The following ARL6IP5 variants were observed in gnomAD, a reference collection of about 807,000 sequenced individuals.
ARL6IP5 encodes the protein PRA1 family protein 3.
In ARL6IP5, 6 loss-of-function variants were observed where a neutral mutation model predicts 13.0. The ratio of observed to expected loss-of-function variants is 0.46; its 90% CI spans 0.25 to 0.91. The LOEUF (loss-of-function observed/expected upper bound fraction) is 0.91. Among genes scored for constraint, ARL6IP5 ranks in the 40% least tolerant of loss-of-function variants. The pLI is 0.17. For synonymous variants in ARL6IP5, 91 were observed against 91.9 expected (o/e 0.99, Z 0.06); for missense variants, 208 against 248.8 (o/e 0.84, Z 1.10).
intron 2 of ARL6IP5, among the ~76,000 whole-genome samples, chr3:69,103,926 T>C (rs13314247): frequency 0.018 from 2,761 of 152,264 alleles, 78 homozygotes; most frequent in African/African-American, 0.064. Flanking sequence ...TGGGGAACGG[T>C]AGGCTATAGA....
At chr3:69,089,871 C>T (rs975522981) in intron 1 of ARL6IP5, 35 of 456,536 alleles carry the variant, frequency 7.7e-5, no homozygotes, top group African/African-American at 5.6e-4. Flanking sequence ...AGTAACTCCT[C>T]ACCATGTGGC....
In ARL6IP5 at chr3:69,085,235, C is replaced by G; in HGVS notation, c.176+12C>G. 1 of 1,606,502 alleles carries G rather than the reference C, an allele frequency of 6.2e-7. No individual in the cohort carries two copies. The highest frequency in any genetic ancestry group is 8.5e-7 in the Non-Finnish European group (1 of 1,174,466). On this transcript the variant is annotated intron_variant, in intron 1 of 2. Coordinates refer to ENST00000273258, the MANE Select transcript of ARL6IP5 (RefSeq NM_006407.4). ...ATTTCCATTGTGGGGTAAGTGGGGTCCCCCTACCCGGGACACCGATCCGGG... is the reference window on the plus strand; with the variant it reads ...ATTTCCATTGTGGGGTAAGTGGGGTGCCCCTACCCGGGACACCGATCCGGG...
At chr3:69,104,437 T>C in intron 2 of ARL6IP5, 27 bp from the exon 3 acceptor site, 2 of 1,599,998 alleles carry the variant, frequency 1.3e-6, no homozygotes, top group East Asian at 4.5e-5. Context: ...GTTGCTTTGG[T>C]GTTAACCAGG....
intron 1 of ARL6IP5, chr3:69,090,063 C>G: frequency 3.8e-6 from 1 of 265,082 alleles, no homozygotes; most frequent in Non-Finnish European, 7.6e-6. Flanking sequence ...ATGTTCTAGG[C>G]CTGTGGCTCC....
intron 1 of ARL6IP5, among the ~76,000 whole-genome samples, chr3:69,101,190 T>C (rs1280441570): frequency 1.3e-5 from 2 of 152,096 alleles, no homozygotes; most frequent in Admixed American, 6.5e-5. Context: ...CAACCTACTG[T>C]GTACTAGAGC....
At chr3:69,102,349 A>C (rs1014054032) in intron 2 of ARL6IP5, 2 of 418,742 alleles carry the variant, frequency 4.8e-6, no homozygotes, top group African/African-American at 4.0e-5. Context: ...TCTGTCACCC[A>C]CGCTGTGGTG....
In ARL6IP5 at chr3:69,090,372, A is replaced by C. The variant is rs145844249; in HGVS notation, c.176+5149A>C. Reference sequence around the variant, plus strand: ...TGAAGCACTTACCAACTTCTCAGACACTGCTAGGAGATAGTGAAGAATAGG... The same window carrying C: ...TGAAGCACTTACCAACTTCTCAGACCCTGCTAGGAGATAGTGAAGAATAGG... On this transcript the variant is annotated intron_variant, in intron 1 of 2. Coordinates refer to ENST00000273258, the MANE Select transcript of ARL6IP5 (RefSeq NM_006407.4). Among the ~76,000 whole-genome samples, 269 of 152,344 alleles carry C rather than the reference A, an allele frequency of 1.8e-3. 1 individual carries two copies. Among genetic ancestry groups the C allele is most frequent in the Non-Finnish European group, 3.2e-3 (217 of 68,034 alleles).
chr3:69,089,932 C>T (rs567086087), intron 1 of ARL6IP5: 9 of 446,118 alleles, frequency 2.0e-5, no homozygotes, highest in South Asian at 1.4e-4. Context: ...TTGACAGCTG[C>T]CACTTTATGC....
At chr3:69,101,410 C>T (rs1393858204) in intron 1 of ARL6IP5, among the ~76,000 whole-genome samples, 2 of 149,972 alleles carry the variant, frequency 1.3e-5, no homozygotes, top group South Asian at 4.3e-4. Context: ...GGAGACTCAA[C>T]CTCCCAGGTT....
At position 69,104,475 on chromosome 3, in the gene ARL6IP5, C is replaced by T. The variant is rs369064087; in HGVS notation, c.406C>T (p.His136Tyr). ...TCCCTTCTCTGCAGTGATGTTTATC[C>T]ATGCATCGTTGAGACTTCGGAACCT... is the stretch of plus-strand genomic sequence containing the variant. ...ITFPLLLMFIHASLRLRNLKN... is the reference protein window; with the variant it reads ...ITFPLLLMFIYASLRLRNLKN... Residue 136 changes from histidine (H) to tyrosine (Y), a missense_variant, in exon 3 of 3, where the codon CAT becomes TAT. His to Tyr is a moderately conservative substitution (Grantham distance 83). Coordinates refer to ENST00000273258, the MANE Select transcript of ARL6IP5 (RefSeq NM_006407.4). The T allele has an allele frequency of 1.5e-5, 25 of 1,613,080 alleles. No homozygotes were observed. The highest frequency in any genetic ancestry group is 2.0e-5 in the Non-Finnish European group (23 of 1,179,444).
intron 1 of ARL6IP5, among the ~76,000 whole-genome samples, chr3:69,101,292 G>A (rs1475988987): frequency 6.7e-6 from 1 of 148,498 alleles, no homozygotes; most frequent in Admixed American, 6.7e-5. Context: ...GATGGGAACT[G>A]CCTGGGTGTG....
chr3:69,091,127 G>A (rs1175856051), intron 1 of ARL6IP5, among the ~76,000 whole-genome samples: 1 of 152,150 alleles, frequency 6.6e-6, no homozygotes, highest in Non-Finnish European at 1.5e-5. Context: ...GAGCGTGGGA[G>A]GCGGAGGTTG....
Position 69,105,287 on chromosome 3 carries a change from T to C in ARL6IP5, c.*651T>C, listed in dbSNP as rs529154053. The C allele has an allele frequency of 5.7e-6, 1 of 175,212 alleles. No homozygotes were observed. Among genetic ancestry groups the C allele is most frequent in the African/African-American group, 2.4e-5 (1 of 41,812 alleles). The allele number at this position is 175,212 out of a possible 1,614,324, so 10.9% of individuals were successfully genotyped here. On this transcript the variant is annotated 3_prime_UTR_variant, in exon 3 of 3. Transcript: ENST00000273258. Reference sequence around the variant, plus strand: ...TGTGTTTTCACCAGCAAGTATTTGTTGCAAACTTAATGTCATTTTCCTTAA... The same window carrying C: ...TGTGTTTTCACCAGCAAGTATTTGTCGCAAACTTAATGTCATTTTCCTTAA...
At chr3:69,087,479 TAA>T (rs770055656) in intron 1 of ARL6IP5, among the ~76,000 whole-genome samples, 3 of 141,540 alleles carry the variant, frequency 2.1e-5, no homozygotes, top group South Asian at 2.2e-4. Context: ...GACCAATAAT[TAA>T]AAAAAAAAAA....
chr3:69,104,722 A>C lies in ARL6IP5; in HGVS notation c.*86A>C. On this transcript the variant is annotated 3_prime_UTR_variant, in exon 3 of 3. Transcript: ENST00000273258. ...ACCTATGTTCTGCTTGCGTTTTTGA[A>C]ACAGGAGGTGCACGTACCACCCAAT... 1 of 1,465,002 alleles carries C rather than the reference A, an allele frequency of 6.8e-7. No homozygotes were observed. The highest frequency in any genetic ancestry group is 1.2e-5 in the South Asian group (1 of 84,360). The allele number at this position is 1,465,002 out of a possible 1,614,324, so 90.8% of individuals were successfully genotyped here.
At position 69,099,132 on chromosome 3, in the gene ARL6IP5, G is replaced by T. The variant is rs111876363; in HGVS notation, c.177-2707G>T. Reference sequence around the variant, plus strand: ...AGCACTTTGGGAGGCTGAGGGGCGGGGGGGGTGGGGGGTGGATCACATGAG... The same window carrying T: ...AGCACTTTGGGAGGCTGAGGGGCGGTGGGGGTGGGGGGTGGATCACATGAG... On this transcript the variant is annotated intron_variant, in intron 1 of 2. Transcript: ENST00000273258. Among the ~76,000 whole-genome samples the T allele has an allele frequency of 2.5e-3, 274 of 110,900 alleles. 7 individuals are homozygous for T. The highest frequency in any genetic ancestry group is 4.1e-3 in the Non-Finnish European group (214 of 52,168). The allele number at this position is 110,900 out of a possible 152,430, so 72.8% of individuals were successfully genotyped here.
intron 1 of ARL6IP5, among the ~76,000 whole-genome samples, chr3:69,095,753 C>G (rs2092285006): frequency 6.6e-6 from 1 of 152,178 alleles, no homozygotes; most frequent in Non-Finnish European, 1.5e-5. Context: ...CCTCAGCCTC[C>G]CAAAGTTCTG....
chr3:69,091,458 T>A (rs1047372350), intron 1 of ARL6IP5, among the ~76,000 whole-genome samples: 1 of 151,904 alleles, frequency 6.6e-6, no homozygotes, highest in African/African-American at 2.4e-5. Flanking sequence ...CCAGCCTGGC[T>A]AATTGTTGTA....
At chr3:69,086,815 C>T (rs762328837) in intron 1 of ARL6IP5, among the ~76,000 whole-genome samples, 13 of 149,988 alleles carry the variant, frequency 8.7e-5, no homozygotes, top group South Asian at 2.1e-4. Context: ...CTTTGCCTCC[C>T]GGATTCAAGT....
Sources: gnomAD v4.1 joint callset for allele counts (sites outside exome capture counted in the v4.1 genomes callset) on GRCh38, gnomAD v4.1.1 for gene constraint, MANE v1.5 for transcripts, NCBI Gene and HGNC (gene_info 2026-07-23, HGNC 2026-07-21) for gene names.